PRKG1: variants seen among roughly 807,000 people sequenced by gnomAD.
PRKG1 encodes the protein cGMP-dependent protein kinase 1.
In PRKG1, 35 loss-of-function variants were observed where a neutral mutation model predicts 88.1. That is an observed-to-expected ratio of 0.40 (90% confidence interval 0.30 to 0.53). The LOEUF (loss-of-function observed/expected upper bound fraction) is 0.53. PRKG1 is among the 20% of genes least tolerant of loss of function. PRKG1 has a pLI of 0.59. For synonymous variants in PRKG1, 303 were observed against 292.5 expected, an observed-to-expected ratio of 1.04 and a Z score of -0.37; for missense variants, 540 against 839.8, an observed-to-expected ratio of 0.64 and a Z score of 4.41.
At chr10:52,125,150 TA>T (rs1847903498) in intron 7 of PRKG1, among the ~76,000 whole-genome samples, 1 of 152,172 alleles carries the variant, frequency 6.6e-6, no homozygotes. Context: ...GCAAGGTACA[TA>T]ATCATATGTG....
At chr10:51,648,193 A>G (rs1922137) in intron 3 of PRKG1, among the ~76,000 whole-genome samples, 129,924 of 152,104 alleles carry the variant, frequency 0.85, 56,563 homozygotes, top group Middle Eastern at 0.96. Context: ...AGAAACTTTG[A>G]AGGATAAATG....
intron 5 of PRKG1, among the ~76,000 whole-genome samples, chr10:51,952,756 C>T (rs115058123): frequency 6.6e-6 from 1 of 152,248 alleles, no homozygotes; most frequent in African/African-American, 2.4e-5. Context: ...AATTATGTAG[C>T]ATTGAACCAC....
At chr10:51,862,224 G>A (rs1383192516) in intron 4 of PRKG1, among the ~76,000 whole-genome samples, 1 of 152,188 alleles carries the variant, frequency 6.6e-6, no homozygotes, top group Non-Finnish European at 1.5e-5. Flanking sequence ...ACTGCCCATA[G>A]CATGGCAAAC....
At chr10:51,652,443 T>G (rs1295835721) in intron 3 of PRKG1, among the ~76,000 whole-genome samples, 1 of 152,088 alleles carries the variant, frequency 6.6e-6, no homozygotes, top group African/African-American at 2.4e-5. Context: ...TTAGCATCTC[T>G]TAAATATAGA....
intron 11 of PRKG1, among the ~76,000 whole-genome samples, chr10:52,271,888 AG>A (rs1404313306): frequency 6.6e-6 from 1 of 152,100 alleles, no homozygotes; most frequent in Non-Finnish European, 1.5e-5. Flanking sequence ...ATTCCACCTC[AG>A]TACTAATAAA....
At chr10:51,089,162 CT>C (rs1844336718) in intron 1 of PRKG1, among the ~76,000 whole-genome samples, 2 of 152,140 alleles carry the variant, frequency 1.3e-5, no homozygotes. Flanking sequence ...TTTGTAATGC[CT>C]TTCCAAGGAA....
intron 5 of PRKG1, among the ~76,000 whole-genome samples, chr10:51,978,288 C>T (rs1843900468): frequency 6.6e-6 from 1 of 151,984 alleles, no homozygotes; most frequent in Non-Finnish European, 1.5e-5. Context: ...GACCTTATTA[C>T]TCGTCTCTCT....
chr10:51,953,117 C>A (rs531326723), intron 5 of PRKG1, among the ~76,000 whole-genome samples: 74 of 152,220 alleles, frequency 4.9e-4, no homozygotes, highest in Admixed American at 8.5e-4. Flanking sequence ...TTTTCTCCTC[C>A]TGTAGTTAAA....
intron 3 of PRKG1, among the ~76,000 whole-genome samples, chr10:51,662,185 C>A (rs1840316629): frequency 1.3e-5 from 2 of 152,026 alleles, no homozygotes; most frequent in Admixed American, 6.6e-5. Flanking sequence ...ATGTAACAAA[C>A]CTGCACGTTG....
chr10:51,861,694 A>G (rs1000608494), intron 4 of PRKG1, among the ~76,000 whole-genome samples: 4 of 152,210 alleles, frequency 2.6e-5, no homozygotes, highest in African/African-American at 9.6e-5. Flanking sequence ...AGAAATCTTT[A>G]CGAGTTGTTT....
chr10:51,057,397 G>A (rs1231241841), intron 1 of PRKG1, among the ~76,000 whole-genome samples: 1 of 152,058 alleles, frequency 6.6e-6, no homozygotes, highest in Non-Finnish European at 1.5e-5. Context: ...AAATCAATAT[G>A]GATTTTGTTT....
rs139970917 is a variant in PRKG1, at chr10:51,104,698, T to TTTTTTTTA, written c.311+29800_311+29801insTTTTATTT. ...CACACCTGGCTAATTTTTATTTTTA[T>TTTTTTTTA]TTTATTTATTTATTTATTTATTTAT... On this transcript the variant is annotated intron_variant, in intron 1 of 17. Coordinates refer to ENST00000373980, the MANE Select transcript of PRKG1 (RefSeq NM_006258.4). Among the ~76,000 whole-genome samples the TTTTTTTTA allele has an allele frequency of 3.7e-4, 50 of 136,186 alleles. No homozygotes were observed. The East Asian group carries it at 7.2e-3, about 20-fold the overall frequency. 89.3% of individuals were successfully genotyped at this position (136,186 alleles called of 152,430 possible).
intron 8 of PRKG1, among the ~76,000 whole-genome samples, chr10:52,149,992 A>C (rs778706535): frequency 6.6e-6 from 1 of 151,812 alleles, no homozygotes; most frequent in African/African-American, 2.4e-5. Context: ...TACTAAAAAT[A>C]CAAAACTTAG....
chr10:51,996,480 C>T (rs1017655995), intron 5 of PRKG1, among the ~76,000 whole-genome samples: 2 of 151,930 alleles, frequency 1.3e-5, no homozygotes, highest in African/African-American at 4.8e-5. Flanking sequence ...GCCTGAATAA[C>T]CATTTCTCAA....
At chr10:51,781,530 A>G (rs1460655376) in intron 3 of PRKG1, among the ~76,000 whole-genome samples, 1 of 152,192 alleles carries the variant, frequency 6.6e-6, no homozygotes, top group Non-Finnish European at 1.5e-5. Context: ...TGCAAAGTGT[A>G]CCATCATAAC....
chr10:52,140,663 C>A (rs575893396), intron 8 of PRKG1, among the ~76,000 whole-genome samples: 2 of 152,062 alleles, frequency 1.3e-5, no homozygotes, highest in Non-Finnish European at 2.9e-5. Context: ...AATGACAAAT[C>A]GTGAAAATCC....
At chr10:51,392,624 C>T (rs921265470) in intron 2 of PRKG1, among the ~76,000 whole-genome samples, 2 of 151,514 alleles carry the variant, frequency 1.3e-5, no homozygotes, top group African/African-American at 4.8e-5. Context: ...GTCATCATGG[C>T]GCGTTCTCAA....
At chr10:51,030,393 CA>C (rs1402512935) in intron 1 of PRKG1, among the ~76,000 whole-genome samples, 1 of 152,078 alleles carries the variant, frequency 6.6e-6, no homozygotes, top group Non-Finnish European at 1.5e-5. Flanking sequence ...ATTATAAAAT[CA>C]GAGAAGAAAT....
chr10:50,999,848 G>A lies in PRKG1; in HGVS notation c.266+8204G>A, dbSNP rs549519529. 6.6e-5 allele frequency among the ~76,000 whole-genome samples: 10 copies of A among 152,262 alleles called. No individual in the cohort carries two copies. In the South Asian group the frequency reaches 2.1e-3, roughly 32 times the overall value. ...AATAGAAAATTATTTTGTATCTCAG[G>A]TTGTAAACCCTTGGGTAGAAACCAG... is the stretch of plus-strand genomic sequence containing the variant. On this transcript the variant is annotated intron_variant, in intron 1 of 17. Coordinates refer to the PRKG1 transcript ENST00000401604.
Sources: allele counts gnomAD v4.1 joint callset (sites outside exome capture counted in the v4.1 genomes callset), GRCh38; gene constraint gnomAD v4.1.1; transcripts MANE v1.5; gene names NCBI Gene and HGNC (gene_info 2026-07-23, HGNC 2026-07-21).